ZMYM4: variants seen among roughly 807,000 people sequenced by gnomAD.
ZMYM4 encodes the protein zinc finger MYM-type protein 4.
Under a neutral mutation model 183.2 loss-of-function variants are expected in ZMYM4, and 31 were observed. The observed-to-expected ratio is 0.17, with a 90% CI of 0.13 to 0.23. The LOEUF (loss-of-function observed/expected upper bound fraction) is 0.23, where lower values mean the gene tolerates loss of function less well. Ranked by LOEUF, ZMYM4 falls within the 10% of genes least tolerant of loss-of-function variation. The pLI is 1.00. For synonymous variants in ZMYM4, 592 were observed against 631.2 expected (o/e 0.94, Z 0.93); for missense variants, 1,273 against 1,840.3 (o/e 0.69, Z 5.64).
At chr1:35,343,640 G>A (rs1001162682) in intron 2 of ZMYM4, among the ~76,000 whole-genome samples, 2 of 152,018 alleles carry the variant, frequency 1.3e-5, no homozygotes, top group African/African-American at 2.4e-5. Flanking sequence ...CAAGGCGGGC[G>A]GATTGCCTGA....
chr1:35,287,872 A>G (rs1417845096), intron 1 of ZMYM4, among the ~76,000 whole-genome samples: 1 of 152,084 alleles, frequency 6.6e-6, no homozygotes, highest in African/African-American at 2.4e-5. Context: ...CCAAAATGCT[A>G]GGATTACAGA....
intron 1 of ZMYM4, among the ~76,000 whole-genome samples, chr1:35,310,095 A>G (rs377573987): frequency 1.3e-5 from 2 of 151,754 alleles, no homozygotes; most frequent in Non-Finnish European, 2.9e-5. Flanking sequence ...ATGCCCGGCT[A>G]ATGTTTGTAT....
At chr1:35,296,357 G>A (rs1362955756) in intron 1 of ZMYM4, among the ~76,000 whole-genome samples, 4 of 109,946 alleles carry the variant, frequency 3.6e-5, no homozygotes, top group African/African-American at 1.0e-4. Flanking sequence ...AGCCACTAGC[G>A]ATACCTCCAT....
Position 35,421,294 on chromosome 1 carries a change from C to A in ZMYM4, c.*1617C>A, listed in dbSNP as rs571603016. The stretch of plus-strand genomic sequence containing the variant: ...CAAATCTCATTTTTGTTACCAAGAA[C>A]TGTATGAAAGAAGTAAATCCACCCC... On this transcript the variant is annotated 3_prime_UTR_variant, in exon 30 of 30. Transcript: ENST00000314607. 2 of 152,674 alleles carry A rather than the reference C, an allele frequency of 1.3e-5. No individual in the cohort carries two copies. Among genetic ancestry groups the A allele is most frequent in the East Asian group, 3.9e-4 (2 of 5,182 alleles). 9.5% of individuals were successfully genotyped at this position (152,674 alleles called of 1,614,324 possible).
chr1:35,295,941 A>G (rs1215948689), intron 1 of ZMYM4: 1 of 152,210 alleles, frequency 6.6e-6, no homozygotes, highest in Admixed American at 6.5e-5. Flanking sequence ...ATCGTGATCA[A>G]TTAGCCACTG....
chr1:35,399,814 A>G (rs1644871178), intron 23 of ZMYM4, among the ~76,000 whole-genome samples: 1 of 152,184 alleles, frequency 6.6e-6, no homozygotes, highest in South Asian at 2.1e-4. Flanking sequence ...TACTTTAAAA[A>G]ACTTTTTATA....
At chr1:35,279,823 A>G (rs1369614284) in intron 1 of ZMYM4, among the ~76,000 whole-genome samples, 1 of 152,114 alleles carries the variant, frequency 6.6e-6, no homozygotes, top group Non-Finnish European at 1.5e-5. Context: ...TTCTTTATTT[A>G]CTTCTGAGAC....
intron 2 of ZMYM4, among the ~76,000 whole-genome samples, chr1:35,352,384 GCGCA>G (rs1643656341): frequency 9.2e-6 from 1 of 108,286 alleles, no homozygotes; most frequent in African/African-American, 4.8e-5. Context: ...TTAAAAATTA[GCGCA>G]CACACACACA....
At chr1:35,286,772 A>ATTTTTTTTTTT (rs71062872) in intron 1 of ZMYM4, among the ~76,000 whole-genome samples, 2 of 46,522 alleles carry the variant, frequency 4.3e-5, no homozygotes, top group East Asian at 5.7e-4. Context: ...TATTTAAATA[A>ATTTTTTTTTTT]TTTTTTTTTT....
Position 35,336,389 on chromosome 1 carries a change from C to CTTTT in ZMYM4, c.85+10995_85+10998dup, listed in dbSNP as rs35011285. ...ATGTTGTAACATGAGTCACAATTAC[C>CTTTT]TTTTTTTTTTTTTTGATACAGAGTT... is the stretch of plus-strand genomic sequence containing the variant. On this transcript the variant is annotated intron_variant, in intron 2 of 29. Transcript: ENST00000314607. Among the ~76,000 whole-genome samples, 535 of 143,716 alleles carry CTTTT rather than the reference C, an allele frequency of 3.7e-3. 9 individuals carry two copies. Among genetic ancestry groups the CTTTT allele is most frequent in the East Asian group, 0.023 (115 of 4,956 alleles). The allele number at this position is 143,716 out of a possible 152,430, so 94.3% of individuals were successfully genotyped here.
rs553878885 is a variant in ZMYM4 at position 35,419,515 on chromosome 1, T to A, written c.4485T>A (p.Pro1495=). The part of the protein sequence containing the change: ...KQRNDVFYLQ[P]ERSCVPNSPM... ...GGAATGATGTGTTTTACCTTCAACC[T>A]GAGCGCTCCTGTGTCCCGAATAGCC... Residue 1495 remains proline, a synonymous_variant, in exon 30 of 30, where the codon CCT becomes CCA. Coordinates refer to ENST00000314607, the MANE Select transcript of ZMYM4 (RefSeq NM_005095.3). 3 of 1,614,020 alleles carry A rather than the reference T, an allele frequency of 1.9e-6. No individual in the cohort carries two copies. The highest frequency in any genetic ancestry group is 2.5e-6 in the Non-Finnish European group (3 of 1,180,008).
chr1:35,355,200 C>CTTTTT (rs1013941289), intron 2 of ZMYM4, among the ~76,000 whole-genome samples: 3 of 77,176 alleles, frequency 3.9e-5, no homozygotes, highest in Admixed American at 1.3e-4. Flanking sequence ...CGCCTGGCTT[C>CTTTTT]TTTTTTTTTT....
At chr1:35,333,522 G>T (rs1642846750) in intron 2 of ZMYM4, among the ~76,000 whole-genome samples, 1 of 151,938 alleles carries the variant, frequency 6.6e-6, no homozygotes, top group Non-Finnish European at 1.5e-5. Flanking sequence ...CCTCCCAAAG[G>T]TCTGGGATTA....
chr1:35,408,052 G>A lies in ZMYM4; in HGVS notation c.3841G>A (p.Ala1281Thr), dbSNP rs749872062. The part of the protein sequence containing the change: ...LKEDILSCTF[A>T]ELSLGLCQFI... ...GGAAGACATTCTGTCCTGCACTTTT[G>A]CTGAGTTGAGTTTGGGCTTATGCCA... The change falls in exon 26 of 30, where the codon GCT becomes ACT. Residue 1281 changes from alanine to threonine, a missense_variant. Around this residue, in one of 6 missense-constraint regions of ZMYM4, gnomAD observed 145 missense variants for 331.6 expected, o/e 0.44. Coordinates refer to ENST00000314607, the MANE Select transcript of ZMYM4 (RefSeq NM_005095.3). 2.5e-6 allele frequency: 4 copies of A among 1,614,210 alleles called. No homozygotes were observed. The highest frequency in any genetic ancestry group is 3.4e-6 in the Non-Finnish European group (4 of 1,180,028).
At chr1:35,397,003 T>A in intron 19 of ZMYM4, 1 of 871,950 alleles carries the variant, frequency 1.1e-6, no homozygotes, top group Non-Finnish European at 1.4e-6. Context: ...AATTCTCATT[T>A]TTGATTAAAG....
intron 1 of ZMYM4, among the ~76,000 whole-genome samples, chr1:35,311,588 G>C (rs958943589): frequency 1.3e-5 from 2 of 151,974 alleles, no homozygotes; most frequent in African/African-American, 4.8e-5. Context: ...CTGGGTGACA[G>C]AGGGAGACTG....
chr1:35,386,016 C>A, intron 10 of ZMYM4, 58 bp from the exon 11 acceptor site: 1 of 1,265,628 alleles, frequency 7.9e-7, no homozygotes, highest in South Asian at 1.3e-5. Flanking sequence ...TTTAATTTCT[C>A]ATACTTTTGT....
rs552854766 is a variant in ZMYM4, at chr1:35,341,074, ATATT to A, written c.85+15675_85+15678del. Among the ~76,000 whole-genome samples the A allele has an allele frequency of 1.5e-3, 221 of 151,998 alleles. 1 individual carries two copies. The highest frequency in any genetic ancestry group is 3.4e-3 in the Admixed American group (52 of 15,246). ...GGAATTTCTATTACATTCTATTAAT[ATATT>A]TATTTTTATATTGATGCCATATTGA... On this transcript the variant is annotated intron_variant, in intron 2 of 29. Transcript: ENST00000314607.
intron 15 of ZMYM4, 91 bp from the exon 16 acceptor site, chr1:35,392,121 C>T (rs896077566): frequency 1.3e-6 from 2 of 1,550,210 alleles, no homozygotes; most frequent in African/African-American, 2.7e-5. Flanking sequence ...TTACTCAAAC[C>T]TGAAAACATT....
Sources: gnomAD v4.1 joint callset for allele counts (sites outside exome capture counted in the v4.1 genomes callset) on GRCh38, gnomAD v4.1.1 for gene constraint, gnomAD v4.1.1 regional missense constraint, MANE v1.5 for transcripts, NCBI Gene and HGNC (gene_info 2026-07-23, HGNC 2026-07-21) for gene names.